The following TENT5D variants were observed in gnomAD, a reference collection of about 807,000 sequenced individuals.
TENT5D encodes cancer/testis antigen 112.
For synonymous variants in TENT5D, 103 were observed against 100.6 expected (o/e 1.02, Z -0.15); for missense variants, 191 against 287.0 (o/e 0.67, Z 2.42).
chrX:80,373,539 A>C (rs890342276), intron 3 of TENT5D, among the ~76,000 whole-genome samples: 4 of 111,512 alleles, frequency 3.6e-5, no homozygotes, highest in Non-Finnish European at 7.5e-5. Context: ...GGCTGGACTT[A>C]GATTTGAATT....
intron 2 of TENT5D, among the ~76,000 whole-genome samples, chrX:80,339,870 TATAG>T (rs1176637664): frequency 1.3e-4 from 14 of 103,759 alleles, no homozygotes; most frequent in East Asian, 5.9e-4. Context: ...TATATATATA[TATAG>T]AGAGAGAGAG....
intron 3 of TENT5D, among the ~76,000 whole-genome samples, chrX:80,396,617 A>G (rs1334190257): frequency 2.7e-5 from 3 of 110,348 alleles, no homozygotes; most frequent in Non-Finnish European, 5.7e-5. Context: ...CAGGATCACA[A>G]GGCAGAAGAA....
rs375543213 is a variant in TENT5D at position 80,430,080 on chromosome X, C to A, written c.-141-8530C>A. On this transcript the variant is annotated intron_variant, in intron 1 of 2. Coordinates refer to ENST00000308293, the Ensembl canonical transcript of TENT5D. Reference sequence around the variant, plus strand: ...GGAGACATGGTGTTTGTCTCTGAATCTCTCTGCTGCCTGTAGGGCTGCCTG... The same window carrying A: ...GGAGACATGGTGTTTGTCTCTGAATATCTCTGCTGCCTGTAGGGCTGCCTG... Among the ~76,000 whole-genome samples, 49 of 109,864 alleles carry A rather than the reference C, an allele frequency of 4.5e-4. 3 individuals carry two copies. In the East Asian group the frequency reaches 4.6e-3, roughly 10 times the overall value.
intron 1 of TENT5D, among the ~76,000 whole-genome samples, chrX:80,424,083 A>G (rs1931940753): frequency 9.7e-6 from 1 of 103,586 alleles, no homozygotes; most frequent in Non-Finnish European, 2.0e-5. Flanking sequence ...TTAAGCGTTG[A>G]TTTTTTTTTT....
At chrX:80,375,404 A>AT (rs1199651900) in intron 3 of TENT5D, among the ~76,000 whole-genome samples, 3 of 110,844 alleles carry the variant, frequency 2.7e-5, no homozygotes, top group South Asian at 7.6e-4. Flanking sequence ...ACAGTGCCTT[A>AT]TTTTTTTGTG....
intron 2 of TENT5D, among the ~76,000 whole-genome samples, chrX:80,336,224 A>C (rs772277164): frequency 4.5e-5 from 5 of 111,379 alleles, no homozygotes; most frequent in Non-Finnish European, 5.7e-5. Flanking sequence ...AGGGGAAATA[A>C]GCATCTAATT....
intron 3 of TENT5D, among the ~76,000 whole-genome samples, chrX:80,408,647 A>G (rs1931561375): frequency 9.0e-6 from 1 of 111,140 alleles, no homozygotes; most frequent in African/African-American, 3.3e-5. Context: ...AGATGGATTC[A>G]CAGCCGAATT....
intron 3 of TENT5D, among the ~76,000 whole-genome samples, chrX:80,352,738 A>AC (rs1490175678): frequency 9.3e-6 from 1 of 107,637 alleles, no homozygotes; most frequent in Non-Finnish European, 1.9e-5. Flanking sequence ...AAAAAAAAAA[A>AC]AAAAAAAACT....
upstream of TENT5D, among the ~76,000 whole-genome samples, chrX:80,416,019 AGTT>A (rs758571814): frequency 1.1e-3 from 118 of 111,150 alleles, no homozygotes; most frequent in African/African-American, 3.5e-3. Flanking sequence ...GTTCAATCTC[AGTT>A]GTTGTATGTT....
At chrX:80,410,775 C>T (rs1197469102) in intron 3 of TENT5D, among the ~76,000 whole-genome samples, 1 of 110,112 alleles carries the variant, frequency 9.1e-6, no homozygotes, top group Admixed American at 9.7e-5. Context: ...AATCTTGCTA[C>T]TATAAAGACA....
At chrX:80,350,872 G>C (rs1386983544) in intron 3 of TENT5D, among the ~76,000 whole-genome samples, 2 of 111,467 alleles carry the variant, frequency 1.8e-5, no homozygotes, top group South Asian at 3.8e-4. Flanking sequence ...AGTATTTGCT[G>C]TCTGCAAAGG....
In TENT5D at chrX:80,359,467, A is replaced by G. The variant is rs760224723; in HGVS notation, c.-142+16903A>G. 2.2e-4 allele frequency among the ~76,000 whole-genome samples: 25 copies of G among 112,038 alleles called. No individual in the cohort carries two copies. The South Asian group carries it at 9.3e-3, about 42-fold the overall frequency. On this transcript the variant is annotated intron_variant, in intron 3 of 4. Transcript: ENST00000538312. Reference sequence around the variant, plus strand: ...CATATACACCATGGAATACAATGCAACCATAAAAAAGAATGAGTTCATCGT... The same window carrying G: ...CATATACACCATGGAATACAATGCAGCCATAAAAAAGAATGAGTTCATCGT...
chrX:80,337,767 A>G (rs1283202614), intron 2 of TENT5D, among the ~76,000 whole-genome samples: 1 of 110,563 alleles, frequency 9.0e-6, no homozygotes, highest in Non-Finnish European at 1.9e-5. Context: ...TAAAAATATA[A>G]TTTTCCTTTT....
chrX:80,398,710 A>G lies in TENT5D; in HGVS notation c.-141-39900A>G, dbSNP rs189589048. Reference sequence around the variant, plus strand: ...TTCTTGGTACCTTTGTCAAAGATCAATTGGCTATGGACATGTGGATTAATT... The same window carrying G: ...TTCTTGGTACCTTTGTCAAAGATCAGTTGGCTATGGACATGTGGATTAATT... On this transcript the variant is annotated intron_variant, in intron 3 of 4. Coordinates refer to the TENT5D transcript ENST00000538312. Among the ~76,000 whole-genome samples, 12 of 110,704 alleles carry G rather than the reference A, an allele frequency of 1.1e-4. No homozygotes were observed. In the East Asian group the frequency reaches 1.4e-3, roughly 13 times the overall value.
chrX:80,404,573 A>G (rs1232160234), intron 3 of TENT5D, among the ~76,000 whole-genome samples: 1 of 111,938 alleles, frequency 8.9e-6, no homozygotes, highest in Non-Finnish European at 1.9e-5. Context: ...ATCGGCCCTT[A>G]AATCTCATGC....
intron 3 of TENT5D, among the ~76,000 whole-genome samples, chrX:80,388,958 A>G: frequency 9.0e-6 from 1 of 111,530 alleles, no homozygotes; most frequent in Non-Finnish European, 1.9e-5. Context: ...GGCTGTGTCA[A>G]ATGTTCCCTC....
intron 3 of TENT5D, among the ~76,000 whole-genome samples, chrX:80,399,037 G>T (rs1222286499): frequency 9.0e-6 from 1 of 111,726 alleles, no homozygotes; most frequent in Admixed American, 9.5e-5. Context: ...GTTGTTTGCA[G>T]ATATTTTCTC....
At chrX:80,356,964 A>G (rs753650574) in intron 3 of TENT5D, among the ~76,000 whole-genome samples, 1 of 109,947 alleles carries the variant, frequency 9.1e-6, no homozygotes, top group East Asian at 2.9e-4. Context: ...TCCTGTGTCC[A>G]TGTGTTCTCG....
In TENT5D at chrX:80,338,261, A is replaced by C. The variant is rs188065754; in HGVS notation, c.-207+2545A>C. On this transcript the variant is annotated intron_variant, in intron 2 of 4. Coordinates refer to the TENT5D transcript ENST00000538312. ...CAATAGTAGAGACAATAGATGTAGG[A>C]TCTTCCAAATTGTTCTTTGGGGACC... Among the ~76,000 whole-genome samples, 211 of 111,503 alleles carry C rather than the reference A, an allele frequency of 1.9e-3. 2 individuals carry two copies. Among genetic ancestry groups the C allele is most frequent in the African/African-American group, 6.8e-3 (208 of 30,712 alleles).
Sources: gnomAD v4.1 joint callset for allele counts (sites outside exome capture counted in the v4.1 genomes callset) on GRCh38, gnomAD v4.1.1 for gene constraint, MANE v1.5 for transcripts, NCBI Gene and HGNC (gene_info 2026-07-23, HGNC 2026-07-21) for gene names.